The following YTHDF1 variants were observed in gnomAD, a reference collection of about 807,000 sequenced individuals.
YTHDF1 encodes the protein YTH domain-containing family protein 1.
Under a neutral mutation model 49.1 loss-of-function variants are expected in YTHDF1, and 16 were observed. The observed-to-expected ratio is 0.33, with a 90% CI of 0.22 to 0.49. YTHDF1 has a LOEUF of 0.49. Among genes scored for constraint, YTHDF1 ranks in the 20% least tolerant of loss-of-function variants. The pLI, the probability that YTHDF1 is intolerant of heterozygous loss-of-function variation, is 0.99. For synonymous variants in YTHDF1, 313 were observed against 290.1 expected, an observed-to-expected ratio of 1.08 and a Z score of -0.80; for missense variants, 621 against 744.3, an observed-to-expected ratio of 0.83 and a Z score of 1.93.
chr20:63,213,942 T>A lies in YTHDF1; in HGVS notation c.54A>T (p.Val18=). The change falls in exon 3 of 5, where the codon GTA becomes GTT. Residue 18 remains valine, a splice_region_variant and synonymous_variant. Transcript: ENST00000370339. ...TQRTKGQDNK[V]QNGSLHQKDT... ...CCTTCTGATGTAACGAACCATTTTGTACTAGAACAAAAAGTTGCAAAATAT... is the reference window on the plus strand; with the variant it reads ...CCTTCTGATGTAACGAACCATTTTGAACTAGAACAAAAAGTTGCAAAATAT... 6.4e-7 allele frequency: 1 copy of A among 1,570,470 alleles called. No individual in the cohort carries two copies. Among genetic ancestry groups the A allele is most frequent in the African/African-American group, 1.4e-5 (1 of 71,594 alleles).
chr20:63,198,863 C>T (rs1212850763), intron 4 of YTHDF1, among the ~76,000 whole-genome samples: 3 of 152,310 alleles, frequency 2.0e-5, no homozygotes, highest in East Asian at 1.9e-4. Context: ...CAGTGTGGGA[C>T]GCTCACCACT....
intron 3 of YTHDF1, among the ~76,000 whole-genome samples, chr20:63,211,801 T>C (rs1185336233): frequency 3.3e-5 from 5 of 151,922 alleles, no homozygotes; most frequent in Admixed American, 1.3e-4. Context: ...AACCAACCAA[T>C]CAATCAATCA....
intron 3 of YTHDF1, among the ~76,000 whole-genome samples, chr20:63,204,069 A>G (rs1344553008): frequency 6.6e-6 from 1 of 152,218 alleles, no homozygotes; most frequent in Non-Finnish European, 1.5e-5. Flanking sequence ...TGACGAAGCT[A>G]TGCCTCTCTA....
chr20:63,210,663 C>T (rs2066569775), intron 3 of YTHDF1, among the ~76,000 whole-genome samples: 1 of 152,112 alleles, frequency 6.6e-6, no homozygotes, highest in Non-Finnish European at 1.5e-5. Context: ...TGGCGCGTGC[C>T]TGTAATCCCA....
chr20:63,213,230 G>A (rs894011284), intron 3 of YTHDF1, among the ~76,000 whole-genome samples: 3 of 152,202 alleles, frequency 2.0e-5, no homozygotes, highest in African/African-American at 7.2e-5. Context: ...TCAGGAGTTT[G>A]AGACCAGCCT....
At chr20:63,209,454 A>T (rs576767278) in intron 3 of YTHDF1, among the ~76,000 whole-genome samples, 1 of 152,266 alleles carries the variant, frequency 6.6e-6, no homozygotes, top group South Asian at 2.1e-4. Context: ...ATTTTTTTTA[A>T]CTTTTTGAAC....
rs1041477017 is a variant in YTHDF1, at chr20:63,215,965, C to A, written c.-73G>T. The A allele has an allele frequency of 5.6e-4, 672 of 1,191,306 alleles. No individual in the cohort carries two copies. The highest frequency in any genetic ancestry group is 6.8e-4 in the Non-Finnish European group (657 of 960,720). 73.8% of individuals were successfully genotyped at this position (1,191,306 alleles called of 1,614,324 possible). ...CCTCCCCTAGAGGCCGGGCCTGTCA[C>A]CCTAGCTCGCGCGGCCCCGGGCCCC... is the stretch of plus-strand genomic sequence containing the variant. On this transcript the variant is annotated 5_prime_UTR_variant, in exon 1 of 5. Transcript: ENST00000370339.
intron 4 of YTHDF1, 137 bp from the exon 5 acceptor site, chr20:63,196,871 C>G: frequency 2.2e-6 from 2 of 924,096 alleles, no homozygotes; most frequent in East Asian, 2.7e-5. Flanking sequence ...CAAGCCACAC[C>G]AGCACACAAC....
chr20:63,198,817 C>A (rs2122970974), intron 4 of YTHDF1, among the ~76,000 whole-genome samples: 1 of 152,306 alleles, frequency 6.6e-6, no homozygotes, highest in Middle Eastern at 3.4e-3. Flanking sequence ...GCCGCCAGGG[C>A]AAGGACAGTC....
intron 3 of YTHDF1, among the ~76,000 whole-genome samples, chr20:63,206,380 C>G (rs6090302): frequency 0.33 from 50,932 of 152,138 alleles, 8,619 homozygotes; most frequent in Middle Eastern, 0.46. Context: ...ATGAAAAAAT[C>G]CACATTACAT....
At position 63,203,881 on chromosome 20, in the gene YTHDF1, T is replaced by C; in HGVS notation, c.133-74A>G. 2.8e-6 allele frequency: 4 copies of C among 1,429,824 alleles called. No homozygotes were observed. The highest frequency in any genetic ancestry group is 3.8e-6 in the Non-Finnish European group (4 of 1,064,220). The allele number at this position is 1,429,824 out of a possible 1,614,324, so 88.6% of individuals were successfully genotyped here. A position where few individuals can be genotyped will look rare whatever the true frequency, so the allele number is the denominator to read the frequency against. On this transcript the variant is annotated intron_variant, in intron 3 of 4. Transcript: ENST00000370339. This position sits in a 1 kb window ranked among gnomAD's most constrained non-coding sequence, Gnocchi z 4.4. ...CTGAGAATGCCAACCGCCTCTTGCT[T>C]AAGCACAGGTGGAGCAAAAACAAAA...
At position 63,203,210 on chromosome 20, in the gene YTHDF1, G is replaced by C. The variant is rs756068070; in HGVS notation, c.730C>G (p.Pro244Ala). 9 of 1,613,926 alleles carry C rather than the reference G, an allele frequency of 5.6e-6. No individual in the cohort carries two copies. The highest frequency in any genetic ancestry group is 2.7e-5 in the African/African-American group (2 of 74,932). ...CTCTTTGTTTTCATTTTAGGCTGTG[G>C]TTTTGCAGGCTTGCTGGCAATGGCA... Reference protein sequence around the residue: ...WAAIASKPAKPQPKMKTKSGP... With the variant: ...WAAIASKPAKAQPKMKTKSGP... Residue 244 changes from proline (P) to alanine (A), a missense_variant, in exon 4 of 5, where the codon CCA becomes GCA. Physicochemically the swap from Pro to Ala is conservative, Grantham distance 27. Coordinates refer to ENST00000370339, the MANE Select transcript of YTHDF1 (RefSeq NM_017798.4). The surrounding 1 kb of genome is among the most constrained non-coding windows in gnomAD (Gnocchi z 4.4).
intron 3 of YTHDF1, among the ~76,000 whole-genome samples, chr20:63,211,319 G>C (rs2066573039): frequency 6.6e-6 from 1 of 152,108 alleles, no homozygotes; most frequent in African/African-American, 2.4e-5. Context: ...TTAAAAATTA[G>C]CTGGGCGTGG....
chr20:63,213,704 T>A (rs2066587093), intron 3 of YTHDF1, among the ~76,000 whole-genome samples, 160 bp downstream of exon 3: 1 of 152,210 alleles, frequency 6.6e-6, no homozygotes, highest in African/African-American at 2.4e-5. Context: ...ATGCCCAAGG[T>A]TAACAGGAGT....
In YTHDF1 at chr20:63,202,410, C is replaced by T. The variant is rs748376292; in HGVS notation, c.1530G>A (p.Glu510=). 3.0e-5 allele frequency: 49 copies of T among 1,614,154 alleles called. No individual in the cohort carries two copies. Among genetic ancestry groups the T allele is most frequent in the Non-Finnish European group, 4.2e-5 (49 of 1,180,050 alleles). The change falls in exon 4 of 5, where the codon GAG becomes GAA. Residue 510 remains glutamate, a synonymous_variant. Transcript: ENST00000370339. ...KPVTNSRDTQ[E]VPLEKAKQVL... is the part of the protein sequence containing the mutation. Reference sequence around the variant, plus strand: ...CTTGCTTGGCTTTTTCTAAGGGCACCTCCTGGGTGTCCCGGGAGTTTGTGA... The same window carrying T: ...CTTGCTTGGCTTTTTCTAAGGGCACTTCCTGGGTGTCCCGGGAGTTTGTGA...
Position 63,213,935 on chromosome 20 carries a change from C to T in YTHDF1, c.61G>A (p.Gly21Ser), listed in dbSNP as rs1209995831. The change falls in exon 3 of 5, where the codon GGT becomes AGT. Residue 21 changes from glycine (G) to serine (S), a missense_variant. Coordinates refer to ENST00000370339, the MANE Select transcript of YTHDF1 (RefSeq NM_017798.4). ...ACTGTATCCTTCTGATGTAACGAAC[C>T]ATTTTGTACTAGAACAAAAAGTTGC... Reference protein sequence around the residue: ...TKGQDNKVQNGSLHQKDTVHD... With the variant: ...TKGQDNKVQNSSLHQKDTVHD... 1 of 1,561,054 alleles carries T rather than the reference C, an allele frequency of 6.4e-7. No individual in the cohort carries two copies. The highest frequency in any genetic ancestry group is 1.2e-5 in the South Asian group (1 of 83,222).
rs763241594 is a variant in YTHDF1, at chr20:63,215,588, T to C, written c.41A>G (p.Gln14Arg). 1.4e-5 allele frequency: 22 copies of C among 1,612,566 alleles called. No individual in the cohort carries two copies. The highest frequency in any genetic ancestry group is 3.3e-5 in the Admixed American group (2 of 59,894). ...TSVDTQRTKG[Q>R]DNKVQNGSLH... ...GGGACTCCGCTCACCTTTATTATCT[T>C]GTCCTTTTGTTCTCTGCACCGCCGC... The change falls in exon 2 of 5, where the codon CAA (glutamine) becomes CGA (arginine). Residue 14 changes from glutamine (Q) to arginine (R), a missense_variant. Gln to Arg is a conservative substitution (Grantham distance 43). Around this residue, in one of 2 missense-constraint regions of YTHDF1, gnomAD observed 470 missense variants for 495.8 expected, o/e 0.95. Coordinates refer to ENST00000370339, the MANE Select transcript of YTHDF1 (RefSeq NM_017798.4).
At chr20:63,214,513 G>A (rs966279958) in intron 2 of YTHDF1, among the ~76,000 whole-genome samples, 1 of 152,194 alleles carries the variant, frequency 6.6e-6, no homozygotes, top group African/African-American at 2.4e-5. Flanking sequence ...ATGTGCCCAA[G>A]GTAGTCGGGG....
In YTHDF1 at chr20:63,203,800, C is replaced by T. The variant is rs779046558; in HGVS notation, c.140G>A (p.Ser47Asn). The T allele has an allele frequency of 1.3e-6, 2 of 1,594,950 alleles. No homozygotes were observed. Among genetic ancestry groups the T allele is most frequent in the Non-Finnish European group, 1.7e-6 (2 of 1,165,646 alleles). ...GTAGGGGTCGCTCATTGAGGGGTAA[C>T]TGTTACTCTGCAAAAGCAAACGTGA... is the stretch of plus-strand genomic sequence containing the variant. ...YLTGQSNQSN[S>N]YPSMSDPYLS... Residue 47 changes from serine to asparagine, a missense_variant, in exon 4 of 5, where the codon AGT becomes AAT. Ser to Asn is a conservative substitution (Grantham distance 46). Coordinates refer to ENST00000370339, the MANE Select transcript of YTHDF1 (RefSeq NM_017798.4). The surrounding 1 kb of genome is among the most constrained non-coding windows in gnomAD (Gnocchi z 4.4).
Sources: allele counts gnomAD v4.1 joint callset (sites outside exome capture counted in the v4.1 genomes callset), GRCh38; gene constraint gnomAD v4.1.1; regional missense constraint gnomAD v4.1.1; non-coding constraint Gnocchi (gnomAD v3.1); transcripts MANE v1.5; gene names NCBI Gene and HGNC (gene_info 2026-07-23, HGNC 2026-07-21).